The following CSNK1G3 variants were observed in gnomAD, a reference collection of about 807,000 sequenced individuals.
The protein encoded by CSNK1G3 is casein kinase 1 gamma 3.
Under a neutral mutation model 64.3 loss-of-function variants are expected in CSNK1G3, and 23 were observed. The ratio of observed to expected loss-of-function variants is 0.36; its 90% CI spans 0.26 to 0.51. CSNK1G3 has a LOEUF of 0.51. Among genes scored for constraint, CSNK1G3 ranks in the 20% least tolerant of loss-of-function variants. The pLI is 0.96. For missense variants in CSNK1G3, 357 were observed against 510.5 expected (o/e 0.70, Z 2.90); for synonymous variants, 158 against 162.2 (o/e 0.97, Z 0.20).
intron 1 of CSNK1G3, among the ~76,000 whole-genome samples, chr5:123,537,816 T>G (rs2150167209): frequency 6.6e-6 from 1 of 152,306 alleles, no homozygotes; most frequent in Non-Finnish European, 1.5e-5. Flanking sequence ...GCAGAAAGTT[T>G]CCTCATGACA....
chr5:123,594,772 G>T (rs1185258810), intron 10 of CSNK1G3, among the ~76,000 whole-genome samples: 1 of 152,050 alleles, frequency 6.6e-6, no homozygotes, highest in Non-Finnish European at 1.5e-5. Context: ...TAAAGCTAGA[G>T]GGTAGAGTCT....
intron 6 of CSNK1G3, among the ~76,000 whole-genome samples, chr5:123,586,182 G>C (rs1364908536): frequency 6.6e-6 from 1 of 152,162 alleles, no homozygotes; most frequent in Non-Finnish European, 1.5e-5. Context: ...AATCTATACT[G>C]TATGATTCCA....
At chr5:123,543,133 G>C (rs1461623451) in intron 1 of CSNK1G3, among the ~76,000 whole-genome samples, 2 of 152,044 alleles carry the variant, frequency 1.3e-5, no homozygotes, top group Admixed American at 6.6e-5. Context: ...TGGAAATTCT[G>C]TGTTGTTGAG....
chr5:123,545,466 T>A lies in CSNK1G3; in HGVS notation c.-198T>A. 2.2e-6 allele frequency: 1 copy of A among 444,606 alleles called. No homozygotes were observed. The highest frequency in any genetic ancestry group is 3.1e-5 in the East Asian group (1 of 32,322). 27.5% of individuals were successfully genotyped at this position (444,606 alleles called of 1,614,324 possible). On this transcript the variant is annotated 5_prime_UTR_variant, in exon 2 of 13. An upstream start codon of the reference 5' UTR is lost. Transcript: ENST00000345990. The stretch of plus-strand genomic sequence containing the variant: ...CATTGAAAAGATAATTTTGAAGACA[T>A]GTTTTGCTGAAAAGACACTAAGAAA...
chr5:123,525,199 T>G (rs973057761), intron 1 of CSNK1G3, among the ~76,000 whole-genome samples: 1 of 152,164 alleles, frequency 6.6e-6, no homozygotes, highest in Non-Finnish European at 1.5e-5. Context: ...ATCACTTATT[T>G]GTTGAATGGA....
chr5:123,569,332 G>A (rs1462392800), intron 4 of CSNK1G3, among the ~76,000 whole-genome samples: 1 of 152,108 alleles, frequency 6.6e-6, no homozygotes, highest in Non-Finnish European at 1.5e-5. Context: ...TTATGAATAT[G>A]CCTTTGAAAC....
At chr5:123,540,263 T>A (rs867050445) in intron 1 of CSNK1G3, among the ~76,000 whole-genome samples, 1 of 152,092 alleles carries the variant, frequency 6.6e-6, no homozygotes. Context: ...TTTTCTGTTT[T>A]ATTTTTCCGT....
At chr5:123,537,254 C>A (rs1193456414) in intron 1 of CSNK1G3, among the ~76,000 whole-genome samples, 1 of 152,086 alleles carries the variant, frequency 6.6e-6, no homozygotes, top group Non-Finnish European at 1.5e-5. Context: ...TACTATTCAG[C>A]CATAAGAAAG....
exon 2 of CSNK1G3, chr5:123,545,436 C>T: frequency 2.5e-6 from 1 of 402,924 alleles, no homozygotes; most frequent in South Asian, 6.7e-5. Context: ...AATATCAGCT[C>T]ACATCATTGA....
exon 8 of CSNK1G3, chr5:123,588,496 T>G: frequency 1.9e-6 from 3 of 1,608,926 alleles, no homozygotes; most frequent in Non-Finnish European, 2.6e-6. Context: ...AGAAGTGTTA[T>G]GTGAAAATTT....
chr5:123,593,228 C>T (rs976171767), intron 10 of CSNK1G3, among the ~76,000 whole-genome samples: 3 of 147,842 alleles, frequency 2.0e-5, no homozygotes, highest in South Asian at 2.1e-4. Flanking sequence ...CACACACACA[C>T]ATATATATAA....
At chr5:123,595,749 T>C (rs1793319564) in intron 10 of CSNK1G3, among the ~76,000 whole-genome samples, 1 of 152,096 alleles carries the variant, frequency 6.6e-6, no homozygotes, top group Non-Finnish European at 1.5e-5. Flanking sequence ...ATGATTTGTT[T>C]CTTTTCACCT....
At chr5:123,588,229 T>C (rs1313677612) in intron 7 of CSNK1G3, 76 bp downstream of exon 7, 3 of 1,214,310 alleles carry the variant, frequency 2.5e-6, no homozygotes, top group South Asian at 2.6e-5. Flanking sequence ...AACTAAACAG[T>C]TTTCATATTT....
At chr5:123,566,982 T>C (rs28635252) in intron 4 of CSNK1G3, among the ~76,000 whole-genome samples, 34,419 of 152,162 alleles carry the variant, frequency 0.23, 4,162 homozygotes, top group African/African-American at 0.29. Context: ...TAAATTGCCC[T>C]GAGGCGGGGC....
intron 1 of CSNK1G3, among the ~76,000 whole-genome samples, chr5:123,543,797 G>A (rs1001007638): frequency 2.0e-5 from 3 of 152,252 alleles, no homozygotes; most frequent in Middle Eastern, 3.4e-3. Flanking sequence ...AGGCAGAGAT[G>A]TTCAGTATAG....
chr5:123,608,677 A>G lies in CSNK1G3; in HGVS notation c.1217+3315A>G, dbSNP rs549686424. ...AAAGTATACTAACAACTTTTATACA[A>G]TGGTTCTCAACCTTGATTTCACATT... On this transcript the variant is annotated intron_variant, in intron 12 of 12. Transcript: ENST00000345990. 1.1e-4 allele frequency among the ~76,000 whole-genome samples: 16 copies of G among 152,228 alleles called. No individual in the cohort carries two copies. The South Asian group carries it at 3.1e-3, about 30-fold the overall frequency.
chr5:123,540,691 G>C (rs1781539495), intron 1 of CSNK1G3, among the ~76,000 whole-genome samples: 1 of 152,098 alleles, frequency 6.6e-6, no homozygotes, highest in South Asian at 2.1e-4. Flanking sequence ...GCAGTGCAGT[G>C]ACATGATCTT....
chr5:123,588,563 A>AATT (rs748868029), intron 8 of CSNK1G3, 52 bp downstream of exon 8: 1 of 1,093,260 alleles, frequency 9.1e-7, no homozygotes, highest in East Asian at 2.4e-5. Flanking sequence ...TAGAAATGCT[A>AATT]ATTTTTATTG....
chr5:123,608,105 A>G (rs767429084), intron 12 of CSNK1G3, among the ~76,000 whole-genome samples: 1 of 151,986 alleles, frequency 6.6e-6, no homozygotes, highest in Non-Finnish European at 1.5e-5. Flanking sequence ...CCTTTTCTAA[A>G]TTGCATCTTA....
Sources: allele counts gnomAD v4.1 joint callset (sites outside exome capture counted in the v4.1 genomes callset), GRCh38; gene constraint gnomAD v4.1.1; transcripts MANE v1.5; gene names NCBI Gene and HGNC (gene_info 2026-07-23, HGNC 2026-07-21).